The following TSEN2 variants were observed in gnomAD, a reference collection of about 807,000 sequenced individuals.
TSEN2 encodes the protein tRNA splicing endonuclease subunit 2, also known as tRNA-splicing endonuclease subunit Sen2.
A neutral mutation model predicts 59.2 loss-of-function variants in TSEN2; 54 were observed. The observed-to-expected ratio is 0.91, with a 90% CI of 0.73 to 1.14. The LOEUF (loss-of-function observed/expected upper bound fraction) is 1.14, where lower values mean the gene tolerates loss of function less well. Among genes scored for constraint, TSEN2 ranks in the 50% most tolerant of loss-of-function variants. The pLI is 0.00. For missense variants in TSEN2, 636 were observed against 576.2 expected (o/e 1.10, Z -1.06); for synonymous variants, 195 against 198.2 (o/e 0.98, Z 0.14).
downstream of TSEN2, among the ~76,000 whole-genome samples, chr3:12,538,588 C>T (rs1307792435): frequency 1.3e-5 from 2 of 151,986 alleles, no homozygotes; most frequent in Admixed American, 1.3e-4. Flanking sequence ...AGATGGGTTT[C>T]ATTTTTGGAA....
chr3:12,516,487 T>A (rs1464689061), intron 6 of TSEN2, 124 bp from the exon 7 acceptor site: 21 of 689,990 alleles, frequency 3.0e-5, no homozygotes, highest in Middle Eastern at 7.0e-4. Context: ...TGTGTGTGTG[T>A]GACCTTTTTG....
chr3:12,507,456 T>TA (rs1161128711), intron 6 of TSEN2, among the ~76,000 whole-genome samples: 1 of 152,234 alleles, frequency 6.6e-6, no homozygotes, highest in Non-Finnish European at 1.5e-5. Context: ...AATTAAATAA[T>TA]ACATGTAATT....
At chr3:12,508,459 A>G (rs913994067) in intron 6 of TSEN2, among the ~76,000 whole-genome samples, 5 of 152,204 alleles carry the variant, frequency 3.3e-5, no homozygotes, top group Admixed American at 3.3e-4. Context: ...GGTGCACTGC[A>G]TGTACCCGCG....
chr3:12,538,024 A>G (rs1258164140), downstream of TSEN2, among the ~76,000 whole-genome samples: 1 of 152,166 alleles, frequency 6.6e-6, no homozygotes, highest in Non-Finnish European at 1.5e-5. Context: ...AATACTAGTC[A>G]TAGTTCTGCT....
chr3:12,535,536 GT>G (rs1403994072), downstream of TSEN2, among the ~76,000 whole-genome samples: 1 of 151,904 alleles, frequency 6.6e-6, no homozygotes, highest in African/African-American at 2.4e-5. Context: ...TCTTTCTAAC[GT>G]TGTGTGTGTG....
intron 8 of TSEN2, 44 bp from the exon 9 acceptor site, chr3:12,528,844 T>G: frequency 6.2e-7 from 1 of 1,609,430 alleles, no homozygotes; most frequent in Non-Finnish European, 8.5e-7. Flanking sequence ...CCTCTCTCAT[T>G]ATTTTGAGTG....
chr3:12,512,579 C>A (rs1476569899), intron 6 of TSEN2, among the ~76,000 whole-genome samples: 1 of 152,222 alleles, frequency 6.6e-6, no homozygotes, highest in African/African-American at 2.4e-5. Flanking sequence ...GAAAGTATTA[C>A]ACAGTGACTA....
chr3:12,512,945 T>C (rs2125113043), intron 6 of TSEN2, among the ~76,000 whole-genome samples: 1 of 152,356 alleles, frequency 6.6e-6, no homozygotes, highest in East Asian at 1.9e-4. Flanking sequence ...ATCATTAAAC[T>C]TATCCTTCCA....
chr3:12,522,098 A>G (rs904522211), intron 8 of TSEN2, among the ~76,000 whole-genome samples: 13 of 152,310 alleles, frequency 8.5e-5, no homozygotes, highest in Admixed American at 7.2e-4. Flanking sequence ...GTGTATTGTT[A>G]TAATTGTTCA....
At position 12,490,002 on chromosome 3, in the gene TSEN2, A is replaced by C; in HGVS notation, c.189+13A>C. 6.2e-7 allele frequency: 1 copy of C among 1,613,764 alleles called. No homozygotes were observed. Among genetic ancestry groups the C allele is most frequent in the Non-Finnish European group, 8.5e-7 (1 of 1,179,734 alleles). ...GCTCTATGGGAAAGTAAGTGCAGGC[A>C]GCCTTGGTAAGATTACTTTCAGACA... On this transcript the variant is annotated intron_variant, in intron 2 of 11. Coordinates refer to ENST00000284995, the MANE Select transcript of TSEN2 (RefSeq NM_025265.4).
At position 12,524,961 on chromosome 3, in the gene TSEN2, C is replaced by G. The variant is rs148486806; in HGVS notation, c.1100-3927C>G. ...ATTTCACCATGTTTGCCAGGCTGGT[C>G]TCGAACTCCTGGCCTCAGGTGATCC... On this transcript the variant is annotated intron_variant, in intron 8 of 11. Transcript: ENST00000284995. 9.0e-3 allele frequency among the ~76,000 whole-genome samples: 1,376 copies of G among 152,134 alleles called. 13 individuals are homozygous for G. Among genetic ancestry groups the G allele is most frequent in the Non-Finnish European group, 0.012 (825 of 67,990 alleles).
At chr3:12,496,895 C>T (rs1370225624) in intron 4 of TSEN2, among the ~76,000 whole-genome samples, 1 of 152,226 alleles carries the variant, frequency 6.6e-6, no homozygotes. Context: ...TCCTGTCCCC[C>T]TTCCTCCAGC....
At chr3:12,488,325 G>A (rs919413265) in intron 1 of TSEN2, among the ~76,000 whole-genome samples, 2 of 152,130 alleles carry the variant, frequency 1.3e-5, no homozygotes, top group African/African-American at 4.8e-5. Flanking sequence ...TGATTTGGCC[G>A]CACTGTATCT....
At chr3:12,521,271 G>A (rs571641996) in intron 8 of TSEN2, among the ~76,000 whole-genome samples, 1 of 152,362 alleles carries the variant, frequency 6.6e-6, no homozygotes, top group Non-Finnish European at 1.5e-5. Flanking sequence ...GAAGTGAACA[G>A]GACAAACAGA....
intron 8 of TSEN2, among the ~76,000 whole-genome samples, chr3:12,528,213 A>G (rs780771569): frequency 3.9e-5 from 6 of 152,350 alleles, no homozygotes; most frequent in Middle Eastern, 3.4e-3. Flanking sequence ...TCTGAAATCA[A>G]TAACAAAATA....
intron 6 of TSEN2, among the ~76,000 whole-genome samples, chr3:12,509,875 C>T (rs1272122039): frequency 6.6e-6 from 1 of 152,186 alleles, no homozygotes; most frequent in Non-Finnish European, 1.5e-5. Context: ...TTGGCATGTT[C>T]TCTTCATGTA....
intron 1 of TSEN2, among the ~76,000 whole-genome samples, chr3:12,488,665 C>T (rs929043637): frequency 3.9e-5 from 6 of 152,186 alleles, no homozygotes; most frequent in Admixed American, 3.3e-4. Flanking sequence ...CAATGTATGG[C>T]CCCAGAGGGA....
At chr3:12,493,799 T>C (rs2053474753) in intron 3 of TSEN2, among the ~76,000 whole-genome samples, 1 of 152,234 alleles carries the variant, frequency 6.6e-6, no homozygotes, top group Non-Finnish European at 1.5e-5. Context: ...GTCATCCTAA[T>C]GAGTATTAAA....
At chr3:12,535,991 AATGAG>A (rs2057666282), downstream of TSEN2, among the ~76,000 whole-genome samples, 1 of 152,218 alleles carries the variant, frequency 6.6e-6, no homozygotes, top group South Asian at 2.1e-4. Context: ...GACTGAATGA[AATGAG>A]ATGACATACA....
Sources: allele counts gnomAD v4.1 joint callset (sites outside exome capture counted in the v4.1 genomes callset), GRCh38; gene constraint gnomAD v4.1.1; transcripts MANE v1.5; gene names NCBI Gene and HGNC (gene_info 2026-07-23, HGNC 2026-07-21).